The following KIF20A variants were observed in gnomAD, a reference collection of about 807,000 sequenced individuals.
The protein encoded by KIF20A is kinesin family member 20A.
KIF20A carries 66 observed loss-of-function variants against 113.0 expected under a neutral mutation model. The ratio of observed to expected loss-of-function variants is 0.58; its 90% CI spans 0.48 to 0.72. The LOEUF is 0.72. Ranked by LOEUF, KIF20A falls within the 30% of genes least tolerant of loss-of-function variation. The pLI is 0.00. For missense variants in KIF20A, 927 were observed against 1,077.6 expected (o/e 0.86, Z 1.96); for synonymous variants, 376 against 402.3 (o/e 0.93, Z 0.78).
Position 138,183,706 on chromosome 5 carries a change from C to T in KIF20A, c.1158C>T (p.Ile386=), listed in dbSNP as rs773536207. ...NSSRSHSIFS[I]RILHLQGEGD... Reference sequence around the variant, plus strand: ...CTTCCAGTCACAGCATCTTCTCAATCAGGATCCTACACCTTCAGGGGGAAG... The same window carrying T: ...CTTCCAGTCACAGCATCTTCTCAATTAGGATCCTACACCTTCAGGGGGAAG... Residue 386 remains isoleucine, a synonymous_variant, in exon 10 of 19, where the codon ATC becomes ATT. Transcript: ENST00000394894. The surrounding 1 kb of genome is among the most constrained non-coding windows in gnomAD (Gnocchi z 5.2). 3 of 1,613,846 alleles carry T rather than the reference C, an allele frequency of 1.9e-6. No individual in the cohort carries two copies. The East Asian group carries it at 6.7e-5, about 36-fold the overall frequency.
rs1272575683 is a variant in KIF20A, at chr5:138,183,226, T to C, written c.890T>C (p.Ile297Thr). ...GCCCCACTACCTGTCCCGGCAAACA[T>C]TCGCTTCTCCATCTGGATCTCATTC... ...DTAPLPVPAN[I>T]RFSIWISFFE... The change falls in exon 8 of 19, where the codon ATT becomes ACT. Residue 297 changes from isoleucine to threonine, a missense_variant. By Grantham distance (89) the Ile-to-Thr change is moderately conservative (BLOSUM62 -1). Coordinates refer to ENST00000394894, the MANE Select transcript of KIF20A (RefSeq NM_005733.3). The surrounding 1 kb of genome is among the most constrained non-coding windows in gnomAD (Gnocchi z 5.2). 1.2e-6 allele frequency: 2 copies of C among 1,614,198 alleles called. No homozygotes were observed. The highest frequency in any genetic ancestry group is 1.7e-6 in the Non-Finnish European group (2 of 1,180,030).
Position 138,183,496 on chromosome 5 carries a change from G to A in KIF20A, c.1054G>A (p.Ala352Thr), listed in dbSNP as rs764495473. Residue 352 changes from alanine to threonine, a missense_variant, in exon 9 of 19, where the codon GCT becomes ACT. Coordinates refer to ENST00000394894, the MANE Select transcript of KIF20A (RefSeq NM_005733.3). This position sits in a 1 kb window ranked among gnomAD's most constrained non-coding sequence, Gnocchi z 5.2. ...TCTCAACTGGATTCATGTGCAAGAT[G>A]CTGAGGAGGCCTGGAAGCTCCTAAA... ...KDLNWIHVQD[A>T]EEAWKLLKVG... The A allele has an allele frequency of 6.2e-7, 1 of 1,614,158 alleles. No homozygotes were observed. Among genetic ancestry groups the A allele is most frequent in the South Asian group, 1.1e-5 (1 of 91,080 alleles).
At position 138,184,469 on chromosome 5, in the gene KIF20A, G is replaced by T. The variant is rs768014322; in HGVS notation, c.1519-43G>T. On this transcript the variant is annotated intron_variant, in intron 12 of 18. Coordinates refer to ENST00000394894, the MANE Select transcript of KIF20A (RefSeq NM_005733.3). Reference sequence around the variant, plus strand: ...CTGGTAACTCTAAGAAAGCTCCTAGGGACTACTTATGGAGTCAAGTAAGAT... The same window carrying T: ...CTGGTAACTCTAAGAAAGCTCCTAGTGACTACTTATGGAGTCAAGTAAGAT... The T allele has an allele frequency of 1.7e-5, 27 of 1,611,432 alleles. No homozygotes were observed. In the South Asian group the frequency reaches 2.1e-4, roughly 12 times the overall value.
chr5:138,185,706 T>A lies in KIF20A; in HGVS notation c.2121T>A (p.Thr707=). The change falls in exon 16 of 19, where the codon ACT becomes ACA. Residue 707 remains threonine, a synonymous_variant. Coordinates refer to ENST00000394894, the MANE Select transcript of KIF20A (RefSeq NM_005733.3). ...GCAAAGCAGAGCTAAACTCTACCAC[T>A]GAAGGTGAGGAAAGAGACAGGCAGG... ...QQCKAELNST[T]EELHKYQKML... is the part of the protein sequence containing the mutation. 6.2e-7 allele frequency: 1 copy of A among 1,613,978 alleles called. No homozygotes were observed. Among genetic ancestry groups the A allele is most frequent in the Non-Finnish European group, 8.5e-7 (1 of 1,179,886 alleles).
Position 138,182,450 on chromosome 5 carries a change from A to T in KIF20A, c.503A>T (p.His168Leu). 6.2e-7 allele frequency: 1 copy of T among 1,614,134 alleles called. No homozygotes were observed. The highest frequency in any genetic ancestry group is 8.5e-7 in the Non-Finnish European group (1 of 1,179,972). ...TYGVTNSGKT[H>L]TIQGTIKDGG... Reference sequence around the variant, plus strand: ...GGAGTCACTAACTCAGGGAAAACCCACACGATTCAAGGTGAGTAGTAAGCC... The same window carrying T: ...GGAGTCACTAACTCAGGGAAAACCCTCACGATTCAAGGTGAGTAGTAAGCC... The change falls in exon 5 of 19, where the codon CAC (histidine) becomes CTC (leucine). Residue 168 changes from histidine (H) to leucine (L), a missense_variant. Transcript: ENST00000394894.
chr5:138,184,226 G>C lies in KIF20A; in HGVS notation c.1353-13G>C. The C allele has an allele frequency of 6.2e-7, 1 of 1,613,816 alleles. No individual in the cohort carries two copies. Among genetic ancestry groups the C allele is most frequent in the Non-Finnish European group, 8.5e-7 (1 of 1,179,818 alleles). On this transcript the variant is annotated splice_polypyrimidine_tract_variant and intron_variant, in intron 11 of 18. Coordinates refer to ENST00000394894, the MANE Select transcript of KIF20A (RefSeq NM_005733.3). ...TTCTGCTCACAGCTCTATTATCTCT[G>C]ATTCTCTGCCAGGTCAAAGCAGAAC...
chr5:138,183,845 T>C lies in KIF20A; in HGVS notation c.1208+89T>C. On this transcript the variant is annotated intron_variant, in intron 10 of 18. Coordinates refer to ENST00000394894, the MANE Select transcript of KIF20A (RefSeq NM_005733.3). The surrounding 1 kb of genome is among the most constrained non-coding windows in gnomAD (Gnocchi z 5.2). The stretch of plus-strand genomic sequence containing the variant: ...GGAGGTCCTCAGGGGAACTATGTGT[T>C]CTCCTTCTTTGGGTACAGAGATTCT... 7 of 1,575,046 alleles carry C rather than the reference T, an allele frequency of 4.4e-6. No homozygotes were observed. Among genetic ancestry groups the C allele is most frequent in the Non-Finnish European group, 6.1e-6 (7 of 1,148,350 alleles).
chr5:138,181,057 C>T (rs1754653457), intron 2 of KIF20A, among the ~76,000 whole-genome samples: 1 of 152,246 alleles, frequency 6.6e-6, no homozygotes, highest in Non-Finnish European at 1.5e-5. Context: ...CCAAGAATTT[C>T]AAGAACTCAT....
At chr5:138,181,888 C>CAGGAA in intron 4 of KIF20A, 160 bp downstream of exon 4, 2 of 717,030 alleles carry the variant, frequency 2.8e-6, no homozygotes, top group East Asian at 5.3e-5. Context: ...TGTCAAGTAA[C>CAGGAA]ATATGTATAT....
In KIF20A at chr5:138,183,640, C is replaced by T. The variant is rs756876040; in HGVS notation, c.1140-48C>T. The T allele has an allele frequency of 6.2e-7, 1 of 1,607,352 alleles. No individual in the cohort carries two copies. The highest frequency in any genetic ancestry group is 1.1e-5 in the South Asian group (1 of 90,930). On this transcript the variant is annotated intron_variant, in intron 9 of 18. Coordinates refer to ENST00000394894, the MANE Select transcript of KIF20A (RefSeq NM_005733.3). The surrounding 1 kb of genome is among the most constrained non-coding windows in gnomAD (Gnocchi z 5.2). Reference sequence around the variant, plus strand: ...GTTCCAGGAAACATTAGTCCTCTGCCTGGTCATGGAAAATGTGCAATGACT... The same window carrying T: ...GTTCCAGGAAACATTAGTCCTCTGCTTGGTCATGGAAAATGTGCAATGACT...
At chr5:138,185,382 G>GAA (rs1754727743) in intron 15 of KIF20A, 130 bp from the exon 16 acceptor site, 1 of 931,268 alleles carries the variant, frequency 1.1e-6, no homozygotes, top group Non-Finnish European at 1.7e-6. Flanking sequence ...AGTTGGCCAG[G>GAA]AAATCGTATT....
chr5:138,179,379 G>A, intron 1 of KIF20A, 177 bp downstream of exon 1: 1 of 374,778 alleles, frequency 2.7e-6, no homozygotes, highest in South Asian at 2.5e-5. Flanking sequence ...CACCTCCACA[G>A]CACCGGCGGG....
rs1754761411 is a variant in KIF20A at position 138,187,263 on chromosome 5, A to G, written c.2523A>G (p.Gln841=). ...GTNQENQQPN[Q]QPPGKKPFLR... is the part of the protein sequence containing the mutation. ...ACCAGGAAAATCAGCAACCAAACCA[A>G]CAACCACCAGGGAAGAAACCATTCC... is the stretch of plus-strand genomic sequence containing the variant. Residue 841 remains glutamine, a synonymous_variant, in exon 19 of 19, where the codon CAA becomes CAG. Transcript: ENST00000394894. 6.2e-7 allele frequency: 1 copy of G among 1,614,012 alleles called. No homozygotes were observed. The highest frequency in any genetic ancestry group is 1.3e-5 in the African/African-American group (1 of 74,904).
chr5:138,184,624 G>C lies in KIF20A; in HGVS notation c.1631G>C (p.Gly544Ala). Residue 544 changes from glycine to alanine, a missense_variant, in exon 13 of 19, where the codon GGC becomes GCC. Coordinates refer to ENST00000394894, the MANE Select transcript of KIF20A (RefSeq NM_005733.3). ...SLEKGAKADT[G>A]LDDDIENEAD... The stretch of plus-strand genomic sequence containing the variant: ...GAGAAAGGGGCTAAGGCAGACACAG[G>C]CCTTGATGATGATATTGAAAATGAA... 2 of 1,614,136 alleles carry C rather than the reference G, an allele frequency of 1.2e-6. No homozygotes were observed. Among genetic ancestry groups the C allele is most frequent in the Non-Finnish European group, 8.5e-7 (1 of 1,179,984 alleles).
Position 138,182,466 on chromosome 5 carries a change from G to A in KIF20A, c.514+5G>A, listed in dbSNP as rs1306807021. ...GGAAAACCCACACGATTCAAGGTGA[G>A]TAGTAAGCCTTCACGGGATTCCTGA... On this transcript the variant is annotated splice_donor_5th_base_variant and intron_variant, in intron 5 of 18. Transcript: ENST00000394894. The A allele has an allele frequency of 6.2e-7, 1 of 1,613,870 alleles. No individual in the cohort carries two copies. Among genetic ancestry groups the A allele is most frequent in the South Asian group, 1.1e-5 (1 of 91,028 alleles).
At chr5:138,184,198 G>T (rs202086316) in intron 11 of KIF20A, 41 bp from the exon 12 acceptor site, 19 of 1,611,506 alleles carry the variant, frequency 1.2e-5, no homozygotes, top group Non-Finnish European at 1.4e-5. Flanking sequence ...CAAAGGGCTG[G>T]TGTTCTGCTC....
At position 138,184,516 on chromosome 5, in the gene KIF20A, T is replaced by C. The variant is rs1202195913; in HGVS notation, c.1523T>C (p.Val508Ala). 4.3e-6 allele frequency: 7 copies of C among 1,613,528 alleles called. No homozygotes were observed. Among genetic ancestry groups the C allele is most frequent in the Non-Finnish European group, 5.9e-6 (7 of 1,179,576 alleles). The change falls in exon 13 of 19, where the codon GTG becomes GCG. Residue 508 changes from valine (V) to alanine (A), a missense_variant. Val to Ala is a moderately conservative substitution (Grantham distance 64). Coordinates refer to ENST00000394894, the MANE Select transcript of KIF20A (RefSeq NM_005733.3). ...AGATATTTTTTTTCCCTCTAGCTTG[T>C]GCATGCCCCACCTATGCAACTGGGA... ...AKFSAIASQL[V>A]HAPPMQLGFP...
At position 138,183,430 on chromosome 5, in the gene KIF20A, T is replaced by G; in HGVS notation, c.1028-40T>G. 1 of 1,610,982 alleles carries G rather than the reference T, an allele frequency of 6.2e-7. No homozygotes were observed. The highest frequency in any genetic ancestry group is 8.5e-7 in the Non-Finnish European group (1 of 1,177,484). Reference sequence around the variant, plus strand: ...AACTGGGGAGAGACTGGCAAAAGAGTTGGATGTTCCCATCTTACACCCCTC... The same window carrying G: ...AACTGGGGAGAGACTGGCAAAAGAGGTGGATGTTCCCATCTTACACCCCTC... On this transcript the variant is annotated intron_variant, in intron 8 of 18. Coordinates refer to ENST00000394894, the MANE Select transcript of KIF20A (RefSeq NM_005733.3). The surrounding 1 kb of genome is among the most constrained non-coding windows in gnomAD (Gnocchi z 5.2).
In KIF20A at chr5:138,187,367, G is replaced by A. The variant is rs756783534; in HGVS notation, c.2627G>A (p.Arg876Gln). ...CCTTATGCCCGGATCCTACGCTCACGGCGTTCCCCTTTACTCAAATCTGGG... is the reference window on the plus strand; with the variant it reads ...CCTTATGCCCGGATCCTACGCTCACAGCGTTCCCCTTTACTCAAATCTGGG... Reference protein sequence around the residue: ...CSPYARILRSRRSPLLKSGPF... With the variant: ...CSPYARILRSQRSPLLKSGPF... Residue 876 changes from arginine (R) to glutamine (Q), a missense_variant, in exon 19 of 19, where the codon CGG becomes CAG. Transcript: ENST00000394894. 24 of 1,614,008 alleles carry A rather than the reference G, an allele frequency of 1.5e-5. No individual in the cohort carries two copies. In the Admixed American group the frequency reaches 2.7e-4, roughly 18 times the overall value.
Sources: gnomAD v4.1 joint callset for allele counts (sites outside exome capture counted in the v4.1 genomes callset) on GRCh38, gnomAD v4.1.1 for gene constraint, Gnocchi (gnomAD v3.1) non-coding constraint, MANE v1.5 for transcripts, NCBI Gene and HGNC (gene_info 2026-07-23, HGNC 2026-07-21) for gene names.